CBX1: variants seen among roughly 807,000 people sequenced by gnomAD.
CBX1 encodes chromobox protein homolog 1.
A neutral mutation model predicts 25.1 loss-of-function variants in CBX1; 10 were observed. The observed-to-expected ratio is 0.40, with a 90% CI of 0.25 to 0.68. CBX1 has a LOEUF of 0.68. Ranked by LOEUF, CBX1 falls within the 30% of genes least tolerant of loss-of-function variation. The pLI, the probability that CBX1 is intolerant of heterozygous loss-of-function variation, is 0.40. For missense variants in CBX1, 106 were observed against 218.5 expected, an observed-to-expected ratio of 0.49 and a Z score of 3.25; for synonymous variants, 63 against 79.4, an observed-to-expected ratio of 0.79 and a Z score of 1.10.
At chr17:48,095,606 A>G (rs1393020303) in intron 1 of CBX1, 4 of 152,266 alleles carry the variant, frequency 2.6e-5, no homozygotes, top group African/African-American at 9.6e-5. Flanking sequence ...TAGAATTCCA[A>G]AGCTATAAGC....
intron 1 of CBX1, among the ~76,000 whole-genome samples, chr17:48,080,017 A>G (rs1271010916): frequency 6.6e-6 from 1 of 152,056 alleles, no homozygotes; most frequent in Non-Finnish European, 1.5e-5. Context: ...TTATAAATCT[A>G]TTTTATTTAG....
At chr17:48,093,714 G>C (rs1269376931) in intron 1 of CBX1, among the ~76,000 whole-genome samples, 2 of 152,194 alleles carry the variant, frequency 1.3e-5, no homozygotes, top group Non-Finnish European at 2.9e-5. Context: ...GACTAATTAT[G>C]TCCCTTCTTC....
At chr17:48,072,088 C>T (rs1304856682) in intron 4 of CBX1, among the ~76,000 whole-genome samples, 2 of 151,270 alleles carry the variant, frequency 1.3e-5, no homozygotes, top group African/African-American at 4.9e-5. Context: ...CCTCCACCTC[C>T]TGGGTTCAAG....
intron 1 of CBX1, among the ~76,000 whole-genome samples, chr17:48,082,421 G>A (rs2037747579): frequency 7.5e-6 from 1 of 133,434 alleles, no homozygotes; most frequent in East Asian, 2.5e-4. Context: ...AGAATGGCGT[G>A]AACTCGGGTA....
chr17:48,100,409 C>T (rs1180522243), intron 1 of CBX1: 1 of 152,146 alleles, frequency 6.6e-6, no homozygotes, highest in Non-Finnish European at 1.5e-5. Flanking sequence ...ACGTACGGAA[C>T]TAATTTTGAA....
At chr17:48,084,235 G>A (rs145299850) in intron 1 of CBX1, among the ~76,000 whole-genome samples, 11,785 of 75,782 alleles carry the variant, frequency 0.16, 801 homozygotes, top group East Asian at 0.23. Flanking sequence ...TTTTTGAGAC[G>A]GAGTCTTGCT....
At chr17:48,073,109 G>A (rs999122971) in intron 4 of CBX1, among the ~76,000 whole-genome samples, 3 of 149,936 alleles carry the variant, frequency 2.0e-5, no homozygotes, top group African/African-American at 5.0e-5. Context: ...GTGACAGAGC[G>A]AGACTCTGTC....
At chr17:48,090,732 G>A (rs2144460651) in intron 1 of CBX1, among the ~76,000 whole-genome samples, 1 of 152,256 alleles carries the variant, frequency 6.6e-6, no homozygotes, top group Non-Finnish European at 1.5e-5. Context: ...AATTTCCTTA[G>A]CTTAAATGTC....
At chr17:48,089,285 TAG>T (rs1170727233) in intron 1 of CBX1, among the ~76,000 whole-genome samples, 1 of 150,822 alleles carries the variant, frequency 6.6e-6, no homozygotes, top group African/African-American at 2.4e-5. Context: ...GTATTTTTAG[TAG>T]AGAGAGGGTT....
In CBX1 at chr17:48,073,754, G is replaced by A. The variant is rs113738823; in HGVS notation, c.413+1252C>T. 3.2e-3 allele frequency among the ~76,000 whole-genome samples: 488 copies of A among 150,394 alleles called. 7 individuals are homozygous for A. Among genetic ancestry groups the A allele is most frequent in the African/African-American group, 0.012 (476 of 40,676 alleles). On this transcript the variant is annotated intron_variant, in intron 4 of 4. Transcript: ENST00000225603. ...AGGCAGAAGAATCATTGAACCCGGA[G>A]GGGCGGAGGTTGCAGTGAGCTGAGA... is the stretch of plus-strand genomic sequence containing the variant.
intron 1 of CBX1, among the ~76,000 whole-genome samples, chr17:48,097,616 CAA>C (rs373074939): frequency 3.5e-4 from 28 of 80,022 alleles, no homozygotes; most frequent in Non-Finnish European, 2.3e-4. Context: ...GACTCTGTCT[CAA>C]AAAAAAAAAA....
chr17:48,093,750 A>G (rs1242496920), intron 1 of CBX1, among the ~76,000 whole-genome samples: 1 of 152,208 alleles, frequency 6.6e-6, no homozygotes, highest in Admixed American at 6.6e-5. Flanking sequence ...ATTCCTGTCA[A>G]AGACTATAAC....
intron 2 of CBX1, among the ~76,000 whole-genome samples, chr17:48,076,527 G>A (rs1233821803): frequency 2.0e-5 from 3 of 152,058 alleles, no homozygotes; most frequent in Admixed American, 6.6e-5. Flanking sequence ...GCAACTAAGC[G>A]AGACATGGTG....
intron 3 of CBX1, among the ~76,000 whole-genome samples, chr17:48,075,666 C>CA (rs34929429): frequency 0.49 from 74,773 of 151,940 alleles, 20,172 homozygotes; most frequent in East Asian, 0.71. Context: ...TCTTCACTCT[C>CA]AAAAAACAAC....
intron 1 of CBX1, among the ~76,000 whole-genome samples, chr17:48,086,300 A>G (rs2063310886): frequency 6.6e-6 from 1 of 152,218 alleles, no homozygotes; most frequent in African/African-American, 2.4e-5. Context: ...CATAACAGAC[A>G]CAAGCTTAGG....
intron 1 of CBX1, among the ~76,000 whole-genome samples, chr17:48,099,849 G>GTT (rs2063397822): frequency 6.6e-6 from 1 of 152,096 alleles, no homozygotes; most frequent in Admixed American, 6.6e-5. Flanking sequence ...TTGAAAAAGA[G>GTT]GTAAAATATG....
chr17:48,090,286 A>C, intron 1 of CBX1, among the ~76,000 whole-genome samples: 1 of 152,156 alleles, frequency 6.6e-6, no homozygotes, highest in East Asian at 1.9e-4. Flanking sequence ...AAGTTCCTTA[A>C]GAAACTTTGA....
chr17:48,093,286 TAA>T (rs777087501), intron 1 of CBX1, among the ~76,000 whole-genome samples: 7 of 76,232 alleles, frequency 9.2e-5, no homozygotes, highest in Admixed American at 1.3e-4. Flanking sequence ...AAAATAAAAT[TAA>T]AAAAAAAAAA....
Position 48,101,063 on chromosome 17 carries a change from T to C in CBX1, c.-38+205A>G, listed in dbSNP as rs997572314. The C allele has an allele frequency of 3.0e-6, 3 of 985,670 alleles. No individual in the cohort carries two copies. In the African/African-American group the frequency reaches 5.2e-5, roughly 17 times the overall value. 61.1% of individuals were successfully genotyped at this position (985,670 alleles called of 1,614,324 possible). A position where few individuals can be genotyped will look rare whatever the true frequency, so the allele number is the denominator to read the frequency against. ...CTGGCTCAGGATTCGCGCCCCGCCC[T>C]CTCCATCCTTCACGCAGCTGGCACC... On this transcript the variant is annotated intron_variant, in intron 1 of 4. Transcript: ENST00000225603.
Sources: gnomAD v4.1 joint callset for allele counts (sites outside exome capture counted in the v4.1 genomes callset) on GRCh38, gnomAD v4.1.1 for gene constraint, MANE v1.5 for transcripts, NCBI Gene and HGNC (gene_info 2026-07-23, HGNC 2026-07-21) for gene names.